The following ANKRD17 variants were observed in gnomAD, a reference collection of about 807,000 sequenced individuals.
ANKRD17 encodes ankyrin repeat domain-containing protein 17.
Under a neutral mutation model 229.7 loss-of-function variants are expected in ANKRD17, and 19 were observed. The ratio of observed to expected loss-of-function variants is 0.08; its 90% confidence interval spans 0.06 to 0.12. ANKRD17 has a LOEUF of 0.12. ANKRD17 is among the 10% of genes least tolerant of loss of function. The pLI is 1.00. For missense variants in ANKRD17, 2,176 were observed against 3,176.8 expected, an observed-to-expected ratio of 0.68 and a Z score of 7.57; for synonymous variants, 1,112 against 1,146.1, an observed-to-expected ratio of 0.97 and a Z score of 0.60.
At chr4:73,132,932 A>C (rs1728406092) in intron 16 of ANKRD17, among the ~76,000 whole-genome samples, 1 of 152,188 alleles carries the variant, frequency 6.6e-6, no homozygotes, top group Non-Finnish European at 1.5e-5. Context: ...CACAAAAATC[A>C]GAAAACTACC....
At position 73,140,104 on chromosome 4, in the gene ANKRD17, C is replaced by T; in HGVS notation, c.2512G>A (p.Ala838Thr). The part of the protein sequence containing the change: ...KNAQLQSLEL[A>T]HADQLTKEKI... Reference sequence around the variant, plus strand: ...TCCTTGGTAAGTTGGTCAGCATGAGCCAGTTCCAAGGACTGCAGCTGTGCA... The same window carrying T: ...TCCTTGGTAAGTTGGTCAGCATGAGTCAGTTCCAAGGACTGCAGCTGTGCA... Residue 838 changes from alanine (A) to threonine (T), a missense_variant, in exon 15 of 34, where the codon GCT becomes ACT. Coordinates refer to ENST00000358602, the MANE Select transcript of ANKRD17 (RefSeq NM_032217.5). The T allele has an allele frequency of 6.2e-7, 1 of 1,614,158 alleles. No individual in the cohort carries two copies. Among genetic ancestry groups the T allele is most frequent in the Non-Finnish European group, 8.5e-7 (1 of 1,180,024 alleles).
chr4:73,116,480 A>AT (rs946716922), intron 22 of ANKRD17, among the ~76,000 whole-genome samples: 2 of 152,178 alleles, frequency 1.3e-5, no homozygotes, highest in Non-Finnish European at 2.9e-5. Context: ...CTTAAACGCC[A>AT]TTCCCACTTT....
At chr4:73,165,394 C>T (rs1034067612) in intron 2 of ANKRD17, among the ~76,000 whole-genome samples, 1 of 152,186 alleles carries the variant, frequency 6.6e-6, no homozygotes, top group Non-Finnish European at 1.5e-5. Context: ...AGGAGGATGA[C>T]ATGAAGTACT....
Position 73,078,795 on chromosome 4 carries a change from G to C in ANKRD17, c.7255C>G (p.Gln2419Glu). The part of the protein sequence containing the change: ...LGSEKPSNVS[Q>E]DRKVPVPIGT... ...ATAGGGACTGGAACTTTCCTGTCCT[G>C]AGACACATTGCTGGGCTTTTCTGAC... is the stretch of plus-strand genomic sequence containing the variant. Residue 2419 changes from glutamine to glutamate, a missense_variant, in exon 31 of 34, where the codon CAG (glutamine) becomes GAG (glutamate). Coordinates refer to ENST00000358602, the MANE Select transcript of ANKRD17 (RefSeq NM_032217.5). 2 of 1,614,130 alleles carry C rather than the reference G, an allele frequency of 1.2e-6. No homozygotes were observed. Among genetic ancestry groups the C allele is most frequent in the Non-Finnish European group, 1.7e-6 (2 of 1,180,018 alleles).
Position 73,102,564 on chromosome 4 carries a change from AAGC to A in ANKRD17, c.4402-20_4402-18del, listed in dbSNP as rs546087092. 611 of 1,584,052 alleles carry A rather than the reference AAGC, an allele frequency of 3.9e-4. No homozygotes were observed. The highest frequency in any genetic ancestry group is 1.0e-3 in the Admixed American group (50 of 50,032). On this transcript the variant is annotated intron_variant, in intron 24 of 33. Coordinates refer to ENST00000358602, the MANE Select transcript of ANKRD17 (RefSeq NM_032217.5). Reference sequence around the variant, plus strand: ...TTCCCTTAACTGTTAAAGATCAATAAAGCAGAAATATAACGTTGAAATTTACCC... The same window carrying A: ...TTCCCTTAACTGTTAAAGATCAATAAAGAAATATAACGTTGAAATTTACCC...
At chr4:73,245,775 C>A (rs1410750621) in intron 1 of ANKRD17, among the ~76,000 whole-genome samples, 2 of 152,156 alleles carry the variant, frequency 1.3e-5, no homozygotes, top group African/African-American at 4.8e-5. Context: ...GAGGAGCTAG[C>A]CTAGCACAGA....
At chr4:73,177,207 A>G (rs1049763328) in intron 2 of ANKRD17, among the ~76,000 whole-genome samples, 173 bp downstream of exon 2, 2 of 152,258 alleles carry the variant, frequency 1.3e-5, no homozygotes, top group African/African-American at 4.8e-5. Context: ...AATGAAAATT[A>G]CAATATGCTT....
At chr4:73,106,213 C>T (rs1307955533) in intron 24 of ANKRD17, among the ~76,000 whole-genome samples, 3 of 151,976 alleles carry the variant, frequency 2.0e-5, no homozygotes, top group African/African-American at 7.3e-5. Flanking sequence ...CACTGCACTC[C>T]AGCCTGGGCA....
chr4:73,245,527 C>T (rs1310727740), intron 1 of ANKRD17, among the ~76,000 whole-genome samples: 2 of 152,200 alleles, frequency 1.3e-5, no homozygotes, highest in Non-Finnish European at 2.9e-5. Context: ...TCAGCCTAAG[C>T]CCATGGATTC....
intron 1 of ANKRD17, among the ~76,000 whole-genome samples, chr4:73,225,816 C>T (rs1433608067): frequency 1.6e-5 from 2 of 125,354 alleles, no homozygotes; most frequent in South Asian, 2.8e-4. Context: ...GAGTCGAGAT[C>T]ACGCCACTGC....
At chr4:73,203,758 C>CAAAAAAAAAAAAAAA (rs67020753) in intron 1 of ANKRD17, among the ~76,000 whole-genome samples, 25 of 82,108 alleles carry the variant, frequency 3.0e-4, no homozygotes, top group East Asian at 6.9e-4. Flanking sequence ...GACTCCGTCT[C>CAAAAAAAAAAAAAAA]AAAAAAAAAA....
intron 1 of ANKRD17, among the ~76,000 whole-genome samples, chr4:73,235,039 ACTTT>A (rs1264422741): frequency 6.6e-6 from 1 of 151,990 alleles, no homozygotes; most frequent in African/African-American, 2.4e-5. Context: ...GATTCCATGA[ACTTT>A]CTATCTTCTT....
intron 1 of ANKRD17, among the ~76,000 whole-genome samples, chr4:73,215,197 A>G (rs1349224449): frequency 6.6e-6 from 1 of 152,214 alleles, no homozygotes; most frequent in Non-Finnish European, 1.5e-5. Flanking sequence ...TGGAGATCTT[A>G]TATCTGACAC....
chr4:73,195,732 C>A (rs1578352540), intron 1 of ANKRD17, among the ~76,000 whole-genome samples: 1 of 152,138 alleles, frequency 6.6e-6, no homozygotes, highest in East Asian at 1.9e-4. Flanking sequence ...TGGTCTCAAT[C>A]CCCTGACCTC....
At position 73,077,949 on chromosome 4, in the gene ANKRD17, C is replaced by A. The variant is rs146625702; in HGVS notation, c.7409-416G>T. Among the ~76,000 whole-genome samples the A allele has an allele frequency of 5.3e-3, 805 of 152,302 alleles. 11 individuals are homozygous for A. Among genetic ancestry groups the A allele is most frequent in the African/African-American group, 0.019 (777 of 41,558 alleles). On this transcript the variant is annotated intron_variant, in intron 31 of 33. Transcript: ENST00000358602. ...TAACAAAAAAAATAGGAATACAGAT[C>A]TTTTAGAAATGACTACGAGGCTGGG...
chr4:73,124,811 C>A, intron 18 of ANKRD17, 102 bp downstream of exon 18: 5 of 1,382,806 alleles, frequency 3.6e-6, no homozygotes, highest in Non-Finnish European at 4.9e-6. Flanking sequence ...TGTGAGAAAT[C>A]TAAACGTCAA....
At chr4:73,203,916 TCAA>T (rs759220268) in intron 1 of ANKRD17, among the ~76,000 whole-genome samples, 1 of 150,260 alleles carries the variant, frequency 6.7e-6, no homozygotes, top group Non-Finnish European at 1.5e-5. Flanking sequence ...CTACTAAAAA[TCAA>T]CAACAATGAA....
At chr4:73,253,751 T>G (rs866738296) in intron 1 of ANKRD17, among the ~76,000 whole-genome samples, 3 of 152,206 alleles carry the variant, frequency 2.0e-5, no homozygotes, top group Non-Finnish European at 2.9e-5. Context: ...TCAATTCCTA[T>G]TAGTTTAACT....
intron 5 of ANKRD17, 133 bp downstream of exon 5, chr4:73,155,498 A>G (rs1731546059): frequency 3.1e-6 from 3 of 954,878 alleles, no homozygotes; most frequent in Non-Finnish European, 4.7e-6. Context: ...AAACTCATAC[A>G]CAGATGTGTG....
Sources: allele counts gnomAD v4.1 joint callset (sites outside exome capture counted in the v4.1 genomes callset), GRCh38; gene constraint gnomAD v4.1.1; transcripts MANE v1.5; gene names NCBI Gene and HGNC (gene_info 2026-07-23, HGNC 2026-07-21).